Variants in KAZN observed in about 807,000 individuals in gnomAD.
KAZN encodes the protein kazrin, periplakin interacting protein, also known as kazrin.
KAZN carries 40 observed loss-of-function variants against 87.4 expected under a neutral mutation model. The observed-to-expected ratio is 0.46, with a 90% CI of 0.36 to 0.60. KAZN has a LOEUF of 0.60. Among genes scored for constraint, KAZN ranks in the 20% least tolerant of loss-of-function variants. KAZN has a pLI of 0.00. For synonymous variants in KAZN, 466 were observed against 458.3 expected (o/e 1.02, Z -0.22); for missense variants, 898 against 1,073.9 (o/e 0.84, Z 2.29).
At chr1:14,916,460 G>C (rs752805698) in intron 1 of KAZN, among the ~76,000 whole-genome samples, 1 of 152,144 alleles carries the variant, frequency 6.6e-6, no homozygotes, top group Non-Finnish European at 1.5e-5. Context: ...TTACAGGCGT[G>C]AGCCACCACA....
intron 1 of KAZN, among the ~76,000 whole-genome samples, chr1:13,906,312 C>G (rs1639433858): frequency 6.6e-6 from 1 of 152,180 alleles, no homozygotes; most frequent in African/African-American, 2.4e-5. Flanking sequence ...GTCTACCATA[C>G]TAACTCCCTG....
chr1:14,381,837 G>C (rs1195777280), intron 2 of KAZN, among the ~76,000 whole-genome samples: 1 of 152,068 alleles, frequency 6.6e-6, no homozygotes, highest in African/African-American at 2.4e-5. Flanking sequence ...GCAACCAGAA[G>C]ACAAGAGAAT....
intron 1 of KAZN, among the ~76,000 whole-genome samples, chr1:14,785,879 G>A (rs1349196259): frequency 6.6e-6 from 1 of 152,120 alleles, no homozygotes; most frequent in Non-Finnish European, 1.5e-5. Context: ...GAGGTGGAAG[G>A]CATACGCTTC....
chr1:13,956,532 T>G (rs1036266404), intron 1 of KAZN, among the ~76,000 whole-genome samples: 2 of 152,152 alleles, frequency 1.3e-5, no homozygotes, highest in African/African-American at 4.8e-5. Flanking sequence ...TAGGAAGTAT[T>G]CTGACATGCA....
chr1:14,080,090 C>T (rs946412251), intron 1 of KAZN, among the ~76,000 whole-genome samples: 14 of 92,010 alleles, frequency 1.5e-4, no homozygotes, highest in African/African-American at 5.8e-4. Flanking sequence ...AACATTCAGA[C>T]CATAACAAAA....
At chr1:14,249,664 T>C (rs1649831420) in intron 2 of KAZN, among the ~76,000 whole-genome samples, 1 of 152,202 alleles carries the variant, frequency 6.6e-6, no homozygotes, top group Non-Finnish European at 1.5e-5. Flanking sequence ...TCAGCACATG[T>C]CCCAGGCCTG....
At chr1:14,767,814 C>T (rs1264447938) in intron 1 of KAZN, among the ~76,000 whole-genome samples, 1 of 152,202 alleles carries the variant, frequency 6.6e-6, no homozygotes, top group African/African-American at 2.4e-5. Context: ...AAGGCCTTAA[C>T]AGTTGATGTC....
At chr1:14,895,734 C>A (rs955900413) in intron 1 of KAZN, among the ~76,000 whole-genome samples, 1 of 152,178 alleles carries the variant, frequency 6.6e-6, no homozygotes, top group African/African-American at 2.4e-5. Flanking sequence ...TCATGCAGGC[C>A]GTGATCCCTG....
intron 2 of KAZN, among the ~76,000 whole-genome samples, chr1:14,456,742 A>C: frequency 6.6e-6 from 1 of 152,190 alleles, no homozygotes; most frequent in East Asian, 1.9e-4. Flanking sequence ...GGTATGTTAA[A>C]ATTTTTCTTA....
At position 14,620,722 on chromosome 1, in the gene KAZN, C is replaced by A. The variant is rs189785813; in HGVS notation, c.226+21499C>A. Reference sequence around the variant, plus strand: ...ATGAGCTCAACTCCGAGCCCTGCCACTACTATAATAGCTGTGAGTGACCTT... The same window carrying A: ...ATGAGCTCAACTCCGAGCCCTGCCAATACTATAATAGCTGTGAGTGACCTT... On this transcript the variant is annotated intron_variant, in intron 1 of 14. Transcript: ENST00000376030. Among the ~76,000 whole-genome samples the A allele has an allele frequency of 8.0e-3, 1,219 of 152,326 alleles. 5 individuals are homozygous for A. Among genetic ancestry groups the A allele is most frequent in the Non-Finnish European group, 0.013 (884 of 68,032 alleles).
At position 14,599,233 on chromosome 1, in the gene KAZN, C is replaced by A; in HGVS notation, c.226+10C>A. On this transcript the variant is annotated intron_variant, in intron 1 of 14. Transcript: ENST00000376030. This position sits in a 1 kb window ranked among gnomAD's most constrained non-coding sequence, Gnocchi z 4.4. ...CAGCTTGGAGCGCAAGGTAGGATCG[C>A]CCCGGCGCCCAGGGCGGAGGAAGGC... The A allele has an allele frequency of 7.3e-7, 1 of 1,366,724 alleles. No homozygotes were observed. Among genetic ancestry groups the A allele is most frequent in the South Asian group, 2.1e-5 (1 of 48,372 alleles). 84.7% of individuals were successfully genotyped at this position (1,366,724 alleles called of 1,614,324 possible).
chr1:13,947,872 A>T (rs964072412), intron 1 of KAZN, among the ~76,000 whole-genome samples: 3 of 152,092 alleles, frequency 2.0e-5, no homozygotes, highest in Non-Finnish European at 4.4e-5. Context: ...TCAGGACCTC[A>T]TTTCAATGAC....
At chr1:14,220,911 C>T (rs898899596) in intron 2 of KAZN, among the ~76,000 whole-genome samples, 9 of 152,144 alleles carry the variant, frequency 5.9e-5, no homozygotes, top group African/African-American at 2.2e-4. Flanking sequence ...ACAGCATCTG[C>T]TGTTTGTGCC....
At chr1:14,424,634 G>A (rs1665613183) in intron 2 of KAZN, among the ~76,000 whole-genome samples, 1 of 152,180 alleles carries the variant, frequency 6.6e-6, no homozygotes, top group South Asian at 2.1e-4. Context: ...AGCTAGAAAT[G>A]CCCACGAAAG....
At chr1:15,006,415 C>G (rs1669003205) in intron 2 of KAZN, among the ~76,000 whole-genome samples, 1 of 152,164 alleles carries the variant, frequency 6.6e-6, no homozygotes, top group African/African-American at 2.4e-5. Context: ...TGGATGGGAG[C>G]AAGAAAAGCC....
chr1:14,397,443 C>T (rs1662994998), intron 2 of KAZN, among the ~76,000 whole-genome samples: 1 of 152,090 alleles, frequency 6.6e-6, no homozygotes, highest in Non-Finnish European at 1.5e-5. Context: ...GAGTTTCACC[C>T]CCATTTACCC....
intron 2 of KAZN, among the ~76,000 whole-genome samples, chr1:14,339,381 A>C (rs1340758368): frequency 6.6e-6 from 1 of 152,188 alleles, no homozygotes; most frequent in Non-Finnish European, 1.5e-5. Context: ...GAGAAAATCA[A>C]ATGGGTGGAA....
chr1:14,046,532 C>T (rs760851864), intron 1 of KAZN, among the ~76,000 whole-genome samples: 3 of 152,168 alleles, frequency 2.0e-5, no homozygotes, highest in Non-Finnish European at 2.9e-5. Flanking sequence ...TGGCTTTTGA[C>T]ACAAAACAGG....
chr1:14,979,853 GT>G (rs1293020488), intron 2 of KAZN, among the ~76,000 whole-genome samples: 5 of 152,244 alleles, frequency 3.3e-5, no homozygotes, highest in Non-Finnish European at 5.9e-5. Context: ...GATTCATAGA[GT>G]TTAGAACGGT....
Sources: gnomAD v4.1 joint callset for allele counts (sites outside exome capture counted in the v4.1 genomes callset) on GRCh38, gnomAD v4.1.1 for gene constraint, Gnocchi (gnomAD v3.1) non-coding constraint, MANE v1.5 for transcripts, NCBI Gene and HGNC (gene_info 2026-07-23, HGNC 2026-07-21) for gene names.